ANKS1A: variants seen among roughly 807,000 people sequenced by gnomAD.
ANKS1A encodes the protein ankyrin repeat and SAM domain-containing protein 1A.
ANKS1A carries 55 observed loss-of-function variants against 120.3 expected under a neutral mutation model. That is an observed-to-expected ratio of 0.46 (90% confidence interval 0.37 to 0.57). ANKS1A has a LOEUF of 0.57. ANKS1A is among the 20% of genes least tolerant of loss of function. The pLI is 0.00. For missense variants in ANKS1A, 1,123 were observed against 1,480.3 expected (o/e 0.76, Z 3.96); for synonymous variants, 590 against 604.7 (o/e 0.98, Z 0.36).
chr6:34,982,783 CTTTG>C lies in ANKS1A; in HGVS notation c.769_772del (p.Phe257AlafsTer18). On this transcript the variant is annotated frameshift_variant, in exon 5 of 24. Transcript: ENST00000360359. LOFTEE classifies it high-confidence loss of function. The surrounding 1 kb of genome is among the most constrained non-coding windows in gnomAD (Gnocchi z 4.9). ...ATGGGCAGTGCTTTGCATGAGGCTG[CTTTG>C]TTTGGCAAGACCGATGTGGTGCAAA... The C allele has an allele frequency of 6.2e-7, 1 of 1,614,236 alleles. No homozygotes were observed. The highest frequency in any genetic ancestry group is 8.5e-7 in the Non-Finnish European group (1 of 1,180,042).
At chr6:35,013,861 G>A (rs1321816282) in intron 10 of ANKS1A, among the ~76,000 whole-genome samples, 1 of 152,224 alleles carries the variant, frequency 6.6e-6, no homozygotes, top group Non-Finnish European at 1.5e-5. Context: ...GACCTGTGAG[G>A]AACGGAGAAG....
chr6:35,008,031 A>C (rs985355982), intron 10 of ANKS1A, among the ~76,000 whole-genome samples: 6 of 152,112 alleles, frequency 3.9e-5, no homozygotes, highest in African/African-American at 1.4e-4. Context: ...TGTTGGTTTA[A>C]TGAGATTTCA....
chr6:35,088,457 C>T, intron 23 of ANKS1A, 149 bp from the exon 24 acceptor site: 2 of 985,486 alleles, frequency 2.0e-6, no homozygotes, highest in Admixed American at 1.8e-5. Context: ...GGGCTGCAGG[C>T]TGTGGGTGCT....
At chr6:35,068,434 C>T (rs934711375) in intron 13 of ANKS1A, among the ~76,000 whole-genome samples, 1 of 152,154 alleles carries the variant, frequency 6.6e-6, no homozygotes, top group African/African-American at 2.4e-5. Flanking sequence ...TGTTACTAAG[C>T]TTTGGCAGCT....
intron 1 of ANKS1A, among the ~76,000 whole-genome samples, chr6:34,930,823 C>T (rs1048590714): frequency 3.3e-5 from 5 of 152,020 alleles, no homozygotes; most frequent in Non-Finnish European, 7.4e-5. Flanking sequence ...AGAAATGACA[C>T]TTCTTCCCTG....
intron 3 of ANKS1A, among the ~76,000 whole-genome samples, chr6:34,974,484 A>C (rs570050688): frequency 1.4e-5 from 2 of 147,892 alleles, no homozygotes; most frequent in East Asian, 4.0e-4. Flanking sequence ...GCTGAAATGC[A>C]GTGATTGGCC....
At chr6:34,934,171 G>A (rs1769131184) in intron 1 of ANKS1A, among the ~76,000 whole-genome samples, 1 of 151,692 alleles carries the variant, frequency 6.6e-6, no homozygotes, top group Non-Finnish European at 1.5e-5. Context: ...TTTTGGAGAC[G>A]GAGTCTTGCT....
intron 8 of ANKS1A, among the ~76,000 whole-genome samples, chr6:34,986,298 A>G (rs374489819): frequency 5.3e-5 from 8 of 152,240 alleles, no homozygotes; most frequent in African/African-American, 1.2e-4. Context: ...AGCCTTGTAC[A>G]TTGTTCTCAA....
rs137962370 is a variant in ANKS1A at position 34,994,133 on chromosome 6, A to G, written c.1303-169A>G. 3.1e-4 allele frequency among the ~76,000 whole-genome samples: 47 copies of G among 152,290 alleles called. No homozygotes were observed. In the East Asian group the frequency reaches 8.5e-3, roughly 28 times the overall value. On this transcript the variant is annotated intron_variant, in intron 9 of 23. Transcript: ENST00000360359. The stretch of plus-strand genomic sequence containing the variant: ...CCTTTCAGATTGGAGGTATGGATAT[A>G]TATCCAGAAATGCAGTTGTGATTCT...
intron 23 of ANKS1A, 149 bp from the exon 24 acceptor site, chr6:35,088,457 C>A: frequency 1.0e-6 from 1 of 985,482 alleles, no homozygotes; most frequent in South Asian, 1.3e-5. Flanking sequence ...GGGCTGCAGG[C>A]TGTGGGTGCT....
At chr6:35,094,716 A>T (rs1228334663), downstream of ANKS1A, among the ~76,000 whole-genome samples, 1 of 152,176 alleles carries the variant, frequency 6.6e-6, no homozygotes, top group Non-Finnish European at 1.5e-5. Flanking sequence ...GAAACAAAAC[A>T]ACAGAAATTA....
intron 1 of ANKS1A, among the ~76,000 whole-genome samples, chr6:34,920,296 G>A (rs1430908569): frequency 1.3e-5 from 2 of 151,530 alleles, no homozygotes; most frequent in African/African-American, 4.9e-5. Context: ...GCTCACTGCA[G>A]CCTCGAACTT....
chr6:34,899,368 C>T (rs1373638844), intron 1 of ANKS1A, among the ~76,000 whole-genome samples: 1 of 151,940 alleles, frequency 6.6e-6, no homozygotes, highest in African/African-American at 2.4e-5. Context: ...GCTTTATGGC[C>T]CAGCATGGTG....
downstream of ANKS1A, among the ~76,000 whole-genome samples, chr6:35,093,710 C>G (rs1435472585): frequency 6.6e-6 from 1 of 152,134 alleles, no homozygotes; most frequent in South Asian, 2.1e-4. Flanking sequence ...GTGGAAACAC[C>G]AGTGGGCACA....
intron 11 of ANKS1A, among the ~76,000 whole-genome samples, chr6:35,030,475 G>T (rs1774854564): frequency 1.3e-5 from 2 of 152,198 alleles, no homozygotes; most frequent in East Asian, 1.9e-4. Context: ...TTACCATGTA[G>T]TCCAGCTCCC....
At chr6:34,996,645 G>A (rs1772869485) in intron 10 of ANKS1A, among the ~76,000 whole-genome samples, 1 of 152,056 alleles carries the variant, frequency 6.6e-6, no homozygotes, top group South Asian at 2.1e-4. Context: ...GCTAATTTTT[G>A]TATTTTTAGT....
chr6:34,957,216 G>A (rs1770416684), intron 1 of ANKS1A, among the ~76,000 whole-genome samples: 1 of 152,176 alleles, frequency 6.6e-6, no homozygotes, highest in African/African-American at 2.4e-5. Context: ...TACATGCTCA[G>A]TTTGTTAACT....
chr6:34,939,590 G>A (rs547318454), intron 1 of ANKS1A, among the ~76,000 whole-genome samples: 1 of 152,282 alleles, frequency 6.6e-6, no homozygotes, highest in South Asian at 2.1e-4. Context: ...GCTTATGCCT[G>A]TAATCCCAGC....
chr6:34,955,970 A>T (rs1367256968), intron 1 of ANKS1A, among the ~76,000 whole-genome samples: 1 of 152,068 alleles, frequency 6.6e-6, no homozygotes, highest in Non-Finnish European at 1.5e-5. Flanking sequence ...CTTTTAAAAA[A>T]TTCTTATTCA....
Sources: gnomAD v4.1 joint callset for allele counts (sites outside exome capture counted in the v4.1 genomes callset) on GRCh38, gnomAD v4.1.1 for gene constraint, Gnocchi (gnomAD v3.1) non-coding constraint, MANE v1.5 for transcripts, NCBI Gene and HGNC (gene_info 2026-07-23, HGNC 2026-07-21) for gene names.